Variants in GNG7 observed in about 807,000 individuals in gnomAD.
The protein encoded by GNG7 is G protein subunit gamma 7, also known as guanine nucleotide-binding protein G(I)/G(S)/G(O) subunit gamma-7.
In GNG7, 1 loss-of-function variant was observed where a neutral mutation model predicts 4.0. The ratio of observed to expected loss-of-function variants is 0.25; its 90% CI spans 0.09 to 1.18. The LOEUF (loss-of-function observed/expected upper bound fraction) is 1.18. GNG7 is among the 50% of genes most tolerant of loss of function. The probability of loss-of-function intolerance (pLI) is 0.50; values close to 1 mark genes in which losing one functional copy is unlikely to be tolerated. For synonymous variants in GNG7, 34 were observed against 36.9 expected, an observed-to-expected ratio of 0.92 and a Z score of 0.29; for missense variants, 86 against 91.9, an observed-to-expected ratio of 0.94 and a Z score of 0.26.
chr19:2,550,139 CTG>C (rs1979269207), intron 3 of GNG7, among the ~76,000 whole-genome samples: 1 of 151,982 alleles, frequency 6.6e-6, no homozygotes, highest in Admixed American at 6.6e-5. Flanking sequence ...TGGGTTGAGA[CTG>C]GCTCACAGGA....
intron 2 of GNG7, chr19:2,610,368 G>A (rs1981524910): frequency 6.7e-6 from 1 of 149,296 alleles, no homozygotes; most frequent in South Asian, 2.1e-4. Context: ...ACTTTTTTAA[G>A]ACAGAGTCTT....
rs1568242563 is a variant in GNG7 at position 2,557,346 on chromosome 19, CACACACACA to C, written c.-77-2167_-77-2159del. Among the ~76,000 whole-genome samples the C allele has an allele frequency of 6.3e-5, 6 of 94,618 alleles. No homozygotes were observed. Among genetic ancestry groups the C allele is most frequent in the Admixed American group, 3.9e-4 (4 of 10,180 alleles). 62.1% of individuals were successfully genotyped at this position (94,618 alleles called of 152,430 possible). ...ATGTGCACACAGACACACACATGTG[CACACACACA>C]GACACACACACACGTGCACGCACAC... On this transcript the variant is annotated intron_variant, in intron 2 of 4. Transcript: ENST00000382159. This position sits in a 1 kb window ranked among gnomAD's most constrained non-coding sequence, Gnocchi z 5.1.
chr19:2,593,714 T>A (rs984439242), intron 2 of GNG7, among the ~76,000 whole-genome samples: 1 of 150,256 alleles, frequency 6.7e-6, no homozygotes, highest in Non-Finnish European at 1.5e-5. Flanking sequence ...ACTGCACTCC[T>A]GCCTGGGCAA....
At chr19:2,594,216 C>T (rs539825663) in intron 2 of GNG7, among the ~76,000 whole-genome samples, 85 of 152,058 alleles carry the variant, frequency 5.6e-4, no homozygotes, top group Middle Eastern at 6.8e-3. Flanking sequence ...ACTAAAAATA[C>T]AAAACACTTA....
At chr19:2,652,781 G>C (rs527887649) in intron 1 of GNG7, among the ~76,000 whole-genome samples, 1 of 152,090 alleles carries the variant, frequency 6.6e-6, no homozygotes, top group South Asian at 2.1e-4. Context: ...CTGTGAACCA[G>C]CTAAAGATAT....
At chr19:2,684,458 C>CTA (rs1983822123) in intron 1 of GNG7, among the ~76,000 whole-genome samples, 1 of 151,774 alleles carries the variant, frequency 6.6e-6, no homozygotes, top group Non-Finnish European at 1.5e-5. Flanking sequence ...TTGATGGAGG[C>CTA]CCCAAAGTGG....
At position 2,518,638 on chromosome 19, in the gene GNG7, C is replaced by G. The variant is rs539687438; in HGVS notation, c.81+1970G>C. 2.6e-5 allele frequency among the ~76,000 whole-genome samples: 4 copies of G among 152,218 alleles called. No homozygotes were observed. In the South Asian group the frequency reaches 8.3e-4, roughly 32 times the overall value. On this transcript the variant is annotated intron_variant, in intron 4 of 4. Transcript: ENST00000382159. ...TCCCCGCTGGGAGCAAAGCAAGGGC[C>G]GGTCACCCCTTCCTAATAAATTCCC...
rs1359958367 is a variant in GNG7, at chr19:2,626,591, C to G, written c.-78+19633G>C. ...AGCAACACTCAACTCATGTCACTTCCTCCAGGAAGCCCTCCCTGAATTCCC... is the reference window on the plus strand; with the variant it reads ...AGCAACACTCAACTCATGTCACTTCGTCCAGGAAGCCCTCCCTGAATTCCC... On this transcript the variant is annotated intron_variant, in intron 2 of 4. Transcript: ENST00000382159. This position sits in a 1 kb window ranked among gnomAD's most constrained non-coding sequence, Gnocchi z 5.0. Among the ~76,000 whole-genome samples the G allele has an allele frequency of 6.6e-6, 1 of 152,190 alleles. No individual in the cohort carries two copies. The highest frequency in any genetic ancestry group is 1.5e-5 in the Non-Finnish European group (1 of 68,032).
intron 3 of GNG7, chr19:2,538,091 A>AAAAC (rs1010011495): frequency 1.3e-5 from 6 of 454,574 alleles, no homozygotes; most frequent in African/African-American, 8.0e-5. Context: ...AAAACAAAAC[A>AAAAC]AAACAAAACA....
intron 2 of GNG7, among the ~76,000 whole-genome samples, chr19:2,568,720 A>C (rs1465665091): frequency 1.5e-5 from 2 of 134,078 alleles, no homozygotes; most frequent in Non-Finnish European, 3.5e-5. Flanking sequence ...ACACATATAC[A>C]CATACAGACA....
chr19:2,660,985 G>A (rs145791569), intron 1 of GNG7, among the ~76,000 whole-genome samples: 8,424 of 151,986 alleles, frequency 0.055, 345 homozygotes, highest in African/African-American at 0.11. Context: ...GCCGAGGCGG[G>A]CAGATCACCT....
At chr19:2,564,342 A>G (rs1979836698) in intron 2 of GNG7, among the ~76,000 whole-genome samples, 2 of 152,100 alleles carry the variant, frequency 1.3e-5, no homozygotes, top group African/African-American at 2.4e-5. Context: ...GAACTTTGGG[A>G]GGCCGAGGCG....
intron 2 of GNG7, among the ~76,000 whole-genome samples, chr19:2,588,870 A>C (rs1980756369): frequency 6.6e-6 from 1 of 151,910 alleles, no homozygotes; most frequent in Non-Finnish European, 1.5e-5. Flanking sequence ...CTCTCTTCCC[A>C]GGTGCTCAGG....
At chr19:2,576,310 G>C (rs1226162698) in intron 2 of GNG7, among the ~76,000 whole-genome samples, 1 of 152,242 alleles carries the variant, frequency 6.6e-6, no homozygotes, top group Non-Finnish European at 1.5e-5. Flanking sequence ...GATTCCAGCA[G>C]AACCCTTCGA....
chr19:2,579,785 G>A (rs532009861), intron 2 of GNG7, among the ~76,000 whole-genome samples: 2 of 152,314 alleles, frequency 1.3e-5, no homozygotes, highest in South Asian at 4.1e-4. Flanking sequence ...CTCTGTGGAT[G>A]GGTGTCCTGG....
In GNG7 at chr19:2,653,325, AAC is replaced by A. The variant is rs1172617936; in HGVS notation, c.-134-7047_-134-7046del. Among the ~76,000 whole-genome samples the A allele has an allele frequency of 1.3e-5, 2 of 152,142 alleles. No individual in the cohort carries two copies. Among genetic ancestry groups the A allele is most frequent in the Admixed American group, 6.5e-5 (1 of 15,274 alleles). ...CAAACCTGGGGATTTGCAACAGACA[AAC>A]ACAGAGCTGGGAAATTCCGCAGCAG... On this transcript the variant is annotated intron_variant, in intron 1 of 4. Transcript: ENST00000382159. The surrounding 1 kb of genome is among the most constrained non-coding windows in gnomAD (Gnocchi z 4.8).
intron 1 of GNG7, among the ~76,000 whole-genome samples, chr19:2,693,447 G>GAAAGA (rs755630479): frequency 7.3e-5 from 11 of 150,422 alleles, no homozygotes; most frequent in Admixed American, 7.3e-4. Context: ...AAGAAAAAAA[G>GAAAGA]AAAGAAAAGA....
chr19:2,596,752 C>A lies in GNG7; in HGVS notation c.-77-41564G>T, dbSNP rs376933964. ...ACTGATGATCAGTTCCCATCCACCC[C>A]ACACTGTTAACAGTGGTTAATTCTG... On this transcript the variant is annotated intron_variant, in intron 2 of 4. Coordinates refer to ENST00000382159, the MANE Select transcript of GNG7 (RefSeq NM_052847.3). 9.9e-5 allele frequency among the ~76,000 whole-genome samples: 15 copies of A among 152,194 alleles called. 1 individual carries two copies. The South Asian group carries it at 2.9e-3, about 29-fold the overall frequency.
chr19:2,687,340 G>A (rs1271710922), intron 1 of GNG7, among the ~76,000 whole-genome samples: 1 of 152,176 alleles, frequency 6.6e-6, no homozygotes, highest in Non-Finnish European at 1.5e-5. Context: ...GGTTAGGCTG[G>A]GCATGGTGGC....
Sources: allele counts gnomAD v4.1 joint callset (sites outside exome capture counted in the v4.1 genomes callset), GRCh38; gene constraint gnomAD v4.1.1; non-coding constraint Gnocchi (gnomAD v3.1); transcripts MANE v1.5; gene names NCBI Gene and HGNC (gene_info 2026-07-23, HGNC 2026-07-21).